Variants in ERRFI1 observed in about 807,000 individuals in gnomAD.
ERRFI1 encodes the protein ERBB receptor feedback inhibitor 1.
In ERRFI1, 12 loss-of-function variants were observed where a neutral mutation model predicts 14.6. The ratio of observed to expected loss-of-function variants is 0.82; its 90% CI spans 0.53 to 1.33. The LOEUF is 1.33. ERRFI1 is among the 40% of genes most tolerant of loss of function. The pLI is 0.00. For missense variants in ERRFI1, 482 were observed against 572.1 expected (o/e 0.84, Z 1.61); for synonymous variants, 202 against 209.9 (o/e 0.96, Z 0.32).
At chr1:8,025,798 G>A (rs951224616) in intron 1 of ERRFI1, among the ~76,000 whole-genome samples, 6 of 152,142 alleles carry the variant, frequency 3.9e-5, no homozygotes, top group Admixed American at 1.3e-4. Flanking sequence ...TCCCGGTGCT[G>A]CGGGGACGTA....
chr1:8,019,250 G>A (rs1187052702), intron 1 of ERRFI1, among the ~76,000 whole-genome samples: 1 of 152,046 alleles, frequency 6.6e-6, no homozygotes. Context: ...ACCTTCAAAG[G>A]CTCCTAAATA....
Position 8,022,676 on chromosome 1 carries a change from T to C in ERRFI1, c.-74+3482A>G, listed in dbSNP as rs374697185. The stretch of plus-strand genomic sequence containing the variant: ...TCCTTGTAACATTCTTGTTTATAAA[T>C]GGAGAAACTGAAGCAAAAGGCTGTT... On this transcript the variant is annotated intron_variant, in intron 1 of 3. Coordinates refer to ENST00000377482, the MANE Select transcript of ERRFI1 (RefSeq NM_018948.4). Among the ~76,000 whole-genome samples the C allele has an allele frequency of 3.3e-5, 5 of 152,336 alleles. No homozygotes were observed. The East Asian group carries it at 7.7e-4, about 23-fold the overall frequency.
At position 8,015,697 on chromosome 1, in the gene ERRFI1, G is replaced by T; in HGVS notation, c.-73-5C>A. 1 of 1,565,480 alleles carries T rather than the reference G, an allele frequency of 6.4e-7. No homozygotes were observed. Among genetic ancestry groups the T allele is most frequent in the South Asian group, 1.1e-5 (1 of 88,664 alleles). On this transcript the variant is annotated splice_polypyrimidine_tract_variant and splice_region_variant and intron_variant, in intron 1 of 3. Coordinates refer to ENST00000377482, the MANE Select transcript of ERRFI1 (RefSeq NM_018948.4). Reference sequence around the variant, plus strand: ...TCAACCAGTAGCTTTCATTCCCTGGGAGGTAGAAGAGATGAGAGAATAAAG... The same window carrying T: ...TCAACCAGTAGCTTTCATTCCCTGGTAGGTAGAAGAGATGAGAGAATAAAG...
chr1:8,014,797 G>A, intron 3 of ERRFI1: 1 of 211,530 alleles, frequency 4.7e-6, no homozygotes, highest in Non-Finnish European at 9.5e-6. Context: ...ATAAGACAAA[G>A]TCCTTATTGC....
chr1:8,013,291 T>G lies in ERRFI1; in HGVS notation c.1308A>C (p.Thr436=). ...LPADCGISSA[T]EKPDSKTKMD... is the part of the protein sequence containing the mutation. ...TTTTTGTTTTTGAGTCTGGCTTTTC[T>G]GTGGCTGAAGATATACCGCAGTCAG... Residue 436 remains threonine (T), a synonymous_variant, in exon 4 of 4, where the codon ACA becomes ACC. Transcript: ENST00000377482. This position sits in a 1 kb window ranked among gnomAD's most constrained non-coding sequence, Gnocchi z 4.3. 1 of 1,614,222 alleles carries G rather than the reference T, an allele frequency of 6.2e-7. No individual in the cohort carries two copies. The highest frequency in any genetic ancestry group is 2.2e-5 in the East Asian group (1 of 44,884).
intron 1 of ERRFI1, among the ~76,000 whole-genome samples, chr1:8,018,745 C>T (rs571188732): frequency 6.6e-6 from 1 of 152,280 alleles, no homozygotes; most frequent in Non-Finnish European, 1.5e-5. Context: ...TTCCTGTTAA[C>T]TTGATTCTTT....
intron 1 of ERRFI1, among the ~76,000 whole-genome samples, chr1:8,016,514 A>G (rs1473312351): frequency 6.6e-6 from 1 of 152,204 alleles, no homozygotes; most frequent in African/African-American, 2.4e-5. Context: ...TTTTTCTTAA[A>G]TTAGTAGTTC....
chr1:8,020,253 T>C (rs1382178450), intron 1 of ERRFI1, among the ~76,000 whole-genome samples: 2 of 152,180 alleles, frequency 1.3e-5, no homozygotes, highest in African/African-American at 4.8e-5. Flanking sequence ...GAGTGTGATG[T>C]AATTTCCTCC....
intron 1 of ERRFI1, among the ~76,000 whole-genome samples, chr1:8,016,313 A>C (rs1258917967): frequency 6.6e-6 from 1 of 152,164 alleles, no homozygotes; most frequent in Admixed American, 6.6e-5. Flanking sequence ...GTAATATATG[A>C]AGATACTAAT....
chr1:8,018,623 G>A (rs1202167559), intron 1 of ERRFI1, among the ~76,000 whole-genome samples: 6 of 152,088 alleles, frequency 3.9e-5, no homozygotes, highest in South Asian at 2.1e-4. Flanking sequence ...TGGTTTAGAC[G>A]GGGACCCAAA....
rs1377452823 is a variant in ERRFI1, at chr1:8,013,096, A to T, written c.*114T>A. On this transcript the variant is annotated 3_prime_UTR_variant, in exon 4 of 4. Coordinates refer to ENST00000377482, the MANE Select transcript of ERRFI1 (RefSeq NM_018948.4). This position sits in a 1 kb window ranked among gnomAD's most constrained non-coding sequence, Gnocchi z 4.3. ...CTAAACCTTCCACATGAAGACAGAG[A>T]GTTCAACTATTTTATTTTGCAATCT... 2 of 881,266 alleles carry T rather than the reference A, an allele frequency of 2.3e-6. No individual in the cohort carries two copies. Among genetic ancestry groups the T allele is most frequent in the African/African-American group, 1.7e-5 (1 of 59,080 alleles). 54.6% of individuals were successfully genotyped at this position (881,266 alleles called of 1,614,324 possible).
intron 1 of ERRFI1, among the ~76,000 whole-genome samples, chr1:8,017,544 C>T (rs1022411669): frequency 6.6e-6 from 1 of 152,202 alleles, no homozygotes; most frequent in Admixed American, 6.5e-5. Context: ...TTTAAAAATA[C>T]TGCTAGCCTC....
At chr1:8,014,696 T>C (rs1046021593) in intron 3 of ERRFI1, 12 of 369,626 alleles carry the variant, frequency 3.2e-5, no homozygotes, top group African/African-American at 2.4e-4. Flanking sequence ...TCGCGGAAGA[T>C]GAATAGCATA....
intron 1 of ERRFI1, among the ~76,000 whole-genome samples, chr1:8,024,716 C>T (rs1453266263): frequency 1.3e-5 from 2 of 152,122 alleles, no homozygotes; most frequent in Non-Finnish European, 2.9e-5. Context: ...TGTTATTTTT[C>T]TTCAAACTTG....
rs1319362763 is a variant in ERRFI1, at chr1:8,013,461, G to A, written c.1138C>T (p.Leu380=). The A allele has an allele frequency of 6.2e-7, 1 of 1,614,242 alleles. No individual in the cohort carries two copies. Among genetic ancestry groups the A allele is most frequent in the Non-Finnish European group, 8.5e-7 (1 of 1,180,052 alleles). Residue 380 remains leucine, a synonymous_variant, in exon 4 of 4, where the codon CTG becomes TTG. Transcript: ENST00000377482. This position sits in a 1 kb window ranked among gnomAD's most constrained non-coding sequence, Gnocchi z 4.3. The part of the protein sequence containing the change: ...EGSASKVPCI[L]PIIENGKKVS... ...TTCTTCCCATTTTCAATAATGGGCA[G>A]AATGCAAGGAACCTTACTGGCAGAT...
intron 1 of ERRFI1, among the ~76,000 whole-genome samples, chr1:8,020,523 AAAACAAACAAAC>A (rs774745078): frequency 7.3e-5 from 11 of 151,532 alleles, no homozygotes; most frequent in Non-Finnish European, 1.0e-4. Flanking sequence ...TGAGGAAATT[AAAACAAACAAAC>A]AAACAAAAAA....
intron 1 of ERRFI1, among the ~76,000 whole-genome samples, chr1:8,019,873 T>G (rs1175571421): frequency 6.6e-6 from 1 of 152,192 alleles, no homozygotes; most frequent in East Asian, 1.9e-4. Flanking sequence ...GTATATTTAC[T>G]TGAAGCAATT....
rs9756 is a variant in ERRFI1, at chr1:8,012,406, C to T, written c.*804G>A. 0.3 allele frequency: 69,459 copies of T among 230,600 alleles called. 12,939 individuals carry two copies. Among genetic ancestry groups the T allele is most frequent in the Non-Finnish European group, 0.41 (47,813 of 116,056 alleles). The allele number at this position is 230,600 out of a possible 1,614,324, so 14.3% of individuals were successfully genotyped here. Reference sequence around the variant, plus strand: ...ATCTGAGTCTAACGTACCCCACTGCCTCTAATACGGCCCGCACTACGATGA... The same window carrying T: ...ATCTGAGTCTAACGTACCCCACTGCTTCTAATACGGCCCGCACTACGATGA... On this transcript the variant is annotated 3_prime_UTR_variant, in exon 4 of 4. Coordinates refer to ENST00000377482, the MANE Select transcript of ERRFI1 (RefSeq NM_018948.4).
rs546629922 is a variant in ERRFI1, at chr1:8,017,778, A to C, written c.-73-2086T>G. Among the ~76,000 whole-genome samples, 3 of 152,342 alleles carry C rather than the reference A, an allele frequency of 2.0e-5. No individual in the cohort carries two copies. The South Asian group carries it at 6.2e-4, about 32-fold the overall frequency. ...GCAGGCCCAACCCCCACCTGTCTGC[A>C]AGCCAACAAGTACTACTAGTAATTA... On this transcript the variant is annotated intron_variant, in intron 1 of 3. Coordinates refer to ENST00000377482, the MANE Select transcript of ERRFI1 (RefSeq NM_018948.4).
Sources: allele counts gnomAD v4.1 joint callset (sites outside exome capture counted in the v4.1 genomes callset), GRCh38; gene constraint gnomAD v4.1.1; non-coding constraint Gnocchi (gnomAD v3.1); transcripts MANE v1.5; gene names NCBI Gene and HGNC (gene_info 2026-07-23, HGNC 2026-07-21).